The following BMPER variants were observed in gnomAD, a reference collection of about 807,000 sequenced individuals.
BMPER encodes the protein BMP-binding endothelial regulator protein.
A neutral mutation model predicts 87.3 loss-of-function variants in BMPER; 45 were observed. The ratio of observed to expected loss-of-function variants is 0.52; its 90% CI spans 0.41 to 0.66. The LOEUF (loss-of-function observed/expected upper bound fraction) is 0.66, where lower values mean the gene tolerates loss of function less well. BMPER is among the 30% of genes least tolerant of loss of function. The pLI, the probability that BMPER is intolerant of heterozygous loss-of-function variation, is 0.00. For missense variants in BMPER, 784 were observed against 867.5 expected (o/e 0.90, Z 1.21); for synonymous variants, 326 against 316.2 (o/e 1.03, Z -0.33).
At chr7:34,017,966 CA>C (rs1310910140) in intron 6 of BMPER, among the ~76,000 whole-genome samples, 4,505 of 80,354 alleles carry the variant, frequency 0.056, 68 homozygotes, top group East Asian at 0.14. Context: ...TAAACTTGTC[CA>C]AAAAAAAAAA....
At chr7:34,124,137 C>G (rs1230951872) in intron 13 of BMPER, among the ~76,000 whole-genome samples, 2 of 152,156 alleles carry the variant, frequency 1.3e-5, no homozygotes, top group Non-Finnish European at 2.9e-5. Flanking sequence ...TAGCAACCAT[C>G]ATTGTCTTGG....
intron 6 of BMPER, among the ~76,000 whole-genome samples, chr7:33,986,982 C>T (rs781237465): frequency 1.3e-5 from 2 of 152,010 alleles, no homozygotes; most frequent in African/African-American, 2.4e-5. Flanking sequence ...TCTCCTTCCC[C>T]GCCTGCTTCC....
At chr7:33,934,079 CAT>C (rs757051092) in intron 2 of BMPER, among the ~76,000 whole-genome samples, 1 of 152,184 alleles carries the variant, frequency 6.6e-6, no homozygotes, top group Non-Finnish European at 1.5e-5. Context: ...AGTGGTGACA[CAT>C]AGTGCATGTG....
chr7:34,012,308 T>TC, intron 6 of BMPER, among the ~76,000 whole-genome samples: 1 of 151,494 alleles, frequency 6.6e-6, no homozygotes, highest in East Asian at 2.0e-4. Flanking sequence ...ACAAAAATAA[T>TC]CCCCCCAAAC....
chr7:33,942,627 C>T (rs893010176), intron 3 of BMPER, among the ~76,000 whole-genome samples: 1 of 152,114 alleles, frequency 6.6e-6, no homozygotes, highest in Non-Finnish European at 1.5e-5. Flanking sequence ...GTCGGCCTCC[C>T]TGTTGGAGAA....
intron 6 of BMPER, among the ~76,000 whole-genome samples, chr7:34,001,201 T>C (rs1786571395): frequency 6.6e-6 from 1 of 151,968 alleles, no homozygotes; most frequent in East Asian, 1.9e-4. Flanking sequence ...GGTTGGGAAG[T>C]GTTCTCTACT....
At chr7:33,965,607 T>C (rs542101155) in intron 3 of BMPER, among the ~76,000 whole-genome samples, 1 of 152,360 alleles carries the variant, frequency 6.6e-6, no homozygotes, top group African/African-American at 2.4e-5. Flanking sequence ...CCAGACTATG[T>C]ATTGGTAAAT....
chr7:34,076,063 AC>A (rs1338337471), intron 11 of BMPER, among the ~76,000 whole-genome samples: 1 of 152,090 alleles, frequency 6.6e-6, no homozygotes, highest in Non-Finnish European at 1.5e-5. Context: ...CGATTTCCAA[AC>A]CCTTCTCTTC....
At chr7:34,088,794 G>A (rs893743068) in intron 13 of BMPER, among the ~76,000 whole-genome samples, 1 of 152,046 alleles carries the variant, frequency 6.6e-6, no homozygotes. Flanking sequence ...TGGATTCACC[G>A]TTTACCTTTC....
intron 6 of BMPER, among the ~76,000 whole-genome samples, chr7:34,029,149 T>C (rs1038613828): frequency 6.6e-6 from 1 of 152,092 alleles, no homozygotes; most frequent in Non-Finnish European, 1.5e-5. Context: ...AGAAACATTG[T>C]GCTAGACACT....
At chr7:34,008,466 GT>G (rs909280300) in intron 6 of BMPER, among the ~76,000 whole-genome samples, 9 of 150,944 alleles carry the variant, frequency 6.0e-5, no homozygotes, top group Non-Finnish European at 1.3e-4. Flanking sequence ...AAATTTCCCA[GT>G]TTTTTTTCAA....
At chr7:33,989,214 TA>T (rs1438938032) in intron 6 of BMPER, among the ~76,000 whole-genome samples, 3 of 141,402 alleles carry the variant, frequency 2.1e-5, no homozygotes, top group African/African-American at 8.3e-5. Flanking sequence ...ATAGTTGAAC[TA>T]GTTTACAGTC....
chr7:34,141,820 G>A (rs1157190908), intron 13 of BMPER, among the ~76,000 whole-genome samples: 1 of 152,010 alleles, frequency 6.6e-6, no homozygotes, highest in Admixed American at 6.6e-5. Context: ...TGAGTGTTGG[G>A]CTGCAATAAC....
intron 3 of BMPER, among the ~76,000 whole-genome samples, chr7:33,945,027 C>T (rs186553314): frequency 0.01 from 1,559 of 152,108 alleles, 25 homozygotes; most frequent in Non-Finnish European, 0.013. Context: ...CTGCAAGCTC[C>T]ACCTCCTGGG....
intron 3 of BMPER, among the ~76,000 whole-genome samples, chr7:33,941,287 A>G (rs907161354): frequency 6.0e-5 from 9 of 149,324 alleles, no homozygotes; most frequent in Non-Finnish European, 1.0e-4. Context: ...GGGTCTCCTT[A>G]GCAAAGAAAT....
intron 6 of BMPER, among the ~76,000 whole-genome samples, chr7:33,995,466 T>C (rs1011819402): frequency 8.5e-5 from 13 of 152,200 alleles, no homozygotes; most frequent in Non-Finnish European, 1.2e-4. Flanking sequence ...TGCAAGGCTC[T>C]ATCATGGATG....
At chr7:33,927,159 G>A (rs1784379073) in intron 2 of BMPER, among the ~76,000 whole-genome samples, 1 of 152,264 alleles carries the variant, frequency 6.6e-6, no homozygotes. Flanking sequence ...TCCCATGGAT[G>A]TCAGCTCCAT....
intron 6 of BMPER, among the ~76,000 whole-genome samples, chr7:33,986,687 AC>A (rs1337163275): frequency 6.6e-6 from 1 of 152,138 alleles, no homozygotes; most frequent in African/African-American, 2.4e-5. Context: ...AGCTCAGGGG[AC>A]AGCAAGTCTA....
intron 13 of BMPER, among the ~76,000 whole-genome samples, chr7:34,096,181 T>A (rs1257850337): frequency 6.6e-6 from 1 of 152,154 alleles, no homozygotes; most frequent in Non-Finnish European, 1.5e-5. Context: ...GGGGTGGGTG[T>A]CCTCAGAGGT....
Sources: allele counts gnomAD v4.1 joint callset (sites outside exome capture counted in the v4.1 genomes callset), GRCh38; gene constraint gnomAD v4.1.1; transcripts MANE v1.5; gene names NCBI Gene and HGNC (gene_info 2026-07-23, HGNC 2026-07-21).